Variants in TMEM232 observed in about 807,000 individuals in gnomAD.
TMEM232 encodes transmembrane protein 232.
In TMEM232, 80 loss-of-function variants were observed where a neutral mutation model predicts 78.8. That is an observed-to-expected ratio of 1.01 (90% CI 0.85 to 1.22). The LOEUF (loss-of-function observed/expected upper bound fraction) is 1.22, where lower values mean the gene tolerates loss of function less well. Ranked by LOEUF, TMEM232 falls within the 50% of genes most tolerant of loss-of-function variation. The probability of loss-of-function intolerance (pLI) is 0.00; values close to 1 mark genes in which losing one functional copy is unlikely to be tolerated. For synonymous variants in TMEM232, 297 were observed against 254.3 expected (o/e 1.17, Z -1.60); for missense variants, 881 against 742.2 (o/e 1.19, Z -2.17).
chr5:110,713,216 G>A (rs888491266), intron 1 of TMEM232, among the ~76,000 whole-genome samples: 2 of 152,122 alleles, frequency 1.3e-5, no homozygotes, highest in African/African-American at 4.8e-5. Context: ...TGAACTCATG[G>A]AGATAGTACA....
At chr5:110,596,310 C>T (rs886658841) in intron 10 of TMEM232, among the ~76,000 whole-genome samples, 29 of 152,196 alleles carry the variant, frequency 1.9e-4, no homozygotes, top group Middle Eastern at 3.4e-3. Context: ...CAAGACTAAA[C>T]CAGGAAGAAG....
At chr5:110,449,967 A>C (rs558663861) in intron 12 of TMEM232, among the ~76,000 whole-genome samples, 3 of 152,190 alleles carry the variant, frequency 2.0e-5, no homozygotes, top group Non-Finnish European at 4.4e-5. Context: ...GTAACTCCCA[A>C]TGTTGGGTGA....
intron 1 of TMEM232, among the ~76,000 whole-genome samples, chr5:110,674,391 G>A (rs1193267525): frequency 6.6e-6 from 1 of 152,120 alleles, no homozygotes; most frequent in Non-Finnish European, 1.5e-5. Context: ...AAGTAATGAA[G>A]CAAATAATGA....
At chr5:110,639,444 T>C (rs1166228995) in intron 4 of TMEM232, among the ~76,000 whole-genome samples, 1 of 152,094 alleles carries the variant, frequency 6.6e-6, no homozygotes. Context: ...ATTGGAAAGG[T>C]TCCAGGGACA....
At chr5:110,542,352 C>T (rs1352528854) in intron 11 of TMEM232, among the ~76,000 whole-genome samples, 1 of 152,132 alleles carries the variant, frequency 6.6e-6, no homozygotes, top group East Asian at 1.9e-4. Context: ...ACATTCCTTA[C>T]AGCATAAGTA....
intron 6 of TMEM232, 38 bp from the exon 7 acceptor site, chr5:110,625,471 TA>T (rs1784308118): frequency 6.8e-7 from 1 of 1,471,808 alleles, no homozygotes; most frequent in African/African-American, 1.4e-5. Flanking sequence ...AATAATTTAT[TA>T]ATATTTTGCA....
intron 2 of TMEM232, among the ~76,000 whole-genome samples, chr5:110,410,994 C>A (rs979599304): frequency 2.0e-5 from 3 of 152,130 alleles, no homozygotes; most frequent in African/African-American, 7.2e-5. Context: ...GCCTGTGAGA[C>A]CTTCTTCATC....
chr5:110,528,857 G>C (rs1771003442), intron 11 of TMEM232, 22 bp from the exon 12 acceptor site: 13 of 1,391,854 alleles, frequency 9.3e-6, no homozygotes, highest in African/African-American at 2.9e-5. Context: ...AAAGAGAAAG[G>C]AATCAGTTGA....
intron 12 of TMEM232, among the ~76,000 whole-genome samples, chr5:110,512,378 T>C (rs1767907137): frequency 6.6e-6 from 1 of 152,160 alleles, no homozygotes; most frequent in African/African-American, 2.4e-5. Flanking sequence ...GAGCAGTAGT[T>C]CTAGACAAGA....
At chr5:110,583,430 T>C (rs72771433) in intron 10 of TMEM232, among the ~76,000 whole-genome samples, 13,714 of 151,906 alleles carry the variant, frequency 0.09, 629 homozygotes, top group Admixed American at 0.12. Flanking sequence ...TTGGGGAAAC[T>C]GGATATCCAT....
At chr5:110,400,120 C>T (rs957699202) in intron 2 of TMEM232, among the ~76,000 whole-genome samples, 19 of 152,154 alleles carry the variant, frequency 1.2e-4, no homozygotes, top group African/African-American at 4.3e-4. Flanking sequence ...ACAGTAACTA[C>T]TATATTTAGA....
At chr5:110,531,281 T>C (rs1264046702) in intron 11 of TMEM232, among the ~76,000 whole-genome samples, 3 of 152,182 alleles carry the variant, frequency 2.0e-5, no homozygotes, top group Admixed American at 6.5e-5. Flanking sequence ...TTAAAAGCTT[T>C]ATTGCTCACA....
At chr5:110,592,444 T>C (rs1486085921) in intron 10 of TMEM232, among the ~76,000 whole-genome samples, 1 of 152,150 alleles carries the variant, frequency 6.6e-6, no homozygotes, top group Non-Finnish European at 1.5e-5. Flanking sequence ...TACAAGAAGT[T>C]AGATGTCATA....
intron 12 of TMEM232, among the ~76,000 whole-genome samples, chr5:110,496,693 A>G (rs925072351): frequency 2.0e-5 from 3 of 152,006 alleles, no homozygotes; most frequent in Non-Finnish European, 2.9e-5. Context: ...ATACCATAAA[A>G]TCAAAATCTT....
At chr5:110,714,603 C>T (rs1796841053) in intron 1 of TMEM232, among the ~76,000 whole-genome samples, 3 of 152,034 alleles carry the variant, frequency 2.0e-5, no homozygotes, top group Admixed American at 2.0e-4. Flanking sequence ...GTCCAATACA[C>T]AATGTGAAAT....
At chr5:110,471,807 T>C (rs778197228) in intron 12 of TMEM232, among the ~76,000 whole-genome samples, 34 of 151,982 alleles carry the variant, frequency 2.2e-4, no homozygotes, top group Non-Finnish European at 2.4e-4. Flanking sequence ...AAAGTTGTTT[T>C]TCAGAAAAGA....
intron 1 of TMEM232, among the ~76,000 whole-genome samples, chr5:110,700,819 T>C (rs562597412): frequency 2.6e-5 from 4 of 151,478 alleles, no homozygotes; most frequent in Non-Finnish European, 5.9e-5. Context: ...GATAGATAGA[T>C]AGATAGATAT....
intron 2 of TMEM232, among the ~76,000 whole-genome samples, chr5:110,661,067 T>C (rs1789716503): frequency 1.3e-5 from 2 of 152,168 alleles, no homozygotes; most frequent in Non-Finnish European, 1.5e-5. Context: ...AGCACACACA[T>C]GTGAGTGACA....
chr5:110,424,046 T>TA (rs1756978394), intron 13 of TMEM232, among the ~76,000 whole-genome samples: 2 of 152,282 alleles, frequency 1.3e-5, no homozygotes, highest in South Asian at 4.1e-4. Context: ...GCCCAATACT[T>TA]ATAGCTGTTG....
Sources: allele counts gnomAD v4.1 joint callset (sites outside exome capture counted in the v4.1 genomes callset), GRCh38; gene constraint gnomAD v4.1.1; transcripts MANE v1.5; gene names NCBI Gene and HGNC (gene_info 2026-07-23, HGNC 2026-07-21).